The following FRAS1 variants were observed in gnomAD, a reference collection of about 807,000 sequenced individuals.
FRAS1 encodes the protein extracellular matrix organizing protein FRAS1.
In FRAS1, 290 loss-of-function variants were observed where a neutral mutation model predicts 435.2. The observed-to-expected ratio is 0.67, with a 90% confidence interval of 0.61 to 0.73. FRAS1 has a LOEUF of 0.73. FRAS1 is among the 30% of genes least tolerant of loss of function. The probability of loss-of-function intolerance (pLI) is 0.00; values close to 1 mark genes in which losing one functional copy is unlikely to be tolerated. For missense variants in FRAS1, 4,860 were observed against 5,001.5 expected, an observed-to-expected ratio of 0.97 and a Z score of 0.85; for synonymous variants, 1,800 against 1,851.0, an observed-to-expected ratio of 0.97 and a Z score of 0.71.
At chr4:78,448,673 TAAC>T (rs1560734402) in intron 44 of FRAS1, among the ~76,000 whole-genome samples, 3,420 of 28,578 alleles carry the variant, frequency 0.12, 142 homozygotes, top group African/African-American at 0.18. Context: ...TGGAAACAAA[TAAC>T]GAAATATAGC....
chr4:78,198,303 T>G (rs1339174047), intron 2 of FRAS1, among the ~76,000 whole-genome samples: 1 of 152,230 alleles, frequency 6.6e-6, no homozygotes, highest in Non-Finnish European at 1.5e-5. Flanking sequence ...GCATCCTTTT[T>G]TCCTTTTAGA....
At position 78,343,590 on chromosome 4, in the gene FRAS1, T is replaced by A. The variant is rs555775734; in HGVS notation, c.2422+5773T>A. ...CACATCATAAATAAACACTTTTGAG[T>A]CCTTTCCATGATTTTTCCCATTTAT... On this transcript the variant is annotated intron_variant, in intron 20 of 73. Coordinates refer to ENST00000512123, the MANE Select transcript of FRAS1 (RefSeq NM_025074.7). Among the ~76,000 whole-genome samples, 104 of 152,290 alleles carry A rather than the reference T, an allele frequency of 6.8e-4. 1 individual carries two copies. The Middle Eastern group carries it at 0.027, about 40-fold the overall frequency.
intron 67 of FRAS1, 67 bp downstream of exon 67, chr4:78,519,548 G>A: frequency 6.5e-7 from 1 of 1,534,662 alleles, no homozygotes; most frequent in Admixed American, 2.1e-5. Context: ...TAAAAGAAGA[G>A]TAGTGACTTT....
At chr4:78,182,226 G>A (rs140801991) in intron 2 of FRAS1, among the ~76,000 whole-genome samples, 1 of 152,224 alleles carries the variant, frequency 6.6e-6, no homozygotes, top group Non-Finnish European at 1.5e-5. Flanking sequence ...AGCTCAGGAT[G>A]CCATGAAAGT....
chr4:78,177,582 G>T (rs1721829671), intron 2 of FRAS1, among the ~76,000 whole-genome samples: 1 of 152,198 alleles, frequency 6.6e-6, no homozygotes, highest in African/African-American at 2.4e-5. Context: ...GGTGAGGTCA[G>T]TTGGGAGTCT....
At chr4:78,431,240 A>G (rs1022338736) in intron 37 of FRAS1, among the ~76,000 whole-genome samples, 1 of 152,216 alleles carries the variant, frequency 6.6e-6, no homozygotes, top group African/African-American at 2.4e-5. Context: ...GGGAGTCACA[A>G]AGGTAGACTC....
chr4:78,103,647 A>G (rs4631075), intron 2 of FRAS1, among the ~76,000 whole-genome samples: 9,487 of 152,218 alleles, frequency 0.062, 810 homozygotes, highest in African/African-American at 0.19. Context: ...AAGAGCCCTC[A>G]TGATTGGGGT....
intron 2 of FRAS1, chr4:78,181,475 C>T: frequency 1.2e-6 from 2 of 1,611,796 alleles, no homozygotes; most frequent in Non-Finnish European, 1.7e-6. Flanking sequence ...ATCAAATTCA[C>T]GTTTGCCACG....
Position 78,541,353 on chromosome 4 carries a change from A to G in FRAS1, c.*229A>G, listed in dbSNP as rs1201776881. 8.3e-6 allele frequency: 3 copies of G among 362,374 alleles called. No homozygotes were observed. Among genetic ancestry groups the G allele is most frequent in the Non-Finnish European group, 1.5e-5 (3 of 203,560 alleles). 22.4% of individuals were successfully genotyped at this position (362,374 alleles called of 1,614,324 possible). ...CGTAGATCCCTTTAATAGTGTCAAC[A>G]ACTGTACACAGCTCCTTCTGTAAGG... On this transcript the variant is annotated 3_prime_UTR_variant, in exon 74 of 74. Coordinates refer to ENST00000512123, the MANE Select transcript of FRAS1 (RefSeq NM_025074.7).
intron 18 of FRAS1, among the ~76,000 whole-genome samples, chr4:78,325,952 C>T (rs1016700924): frequency 1.8e-4 from 28 of 152,256 alleles, no homozygotes; most frequent in South Asian, 1.7e-3. Context: ...AGAAGTACAG[C>T]GTGTTTGGTA....
At chr4:78,111,919 A>G (rs957891278) in intron 2 of FRAS1, among the ~76,000 whole-genome samples, 2 of 152,130 alleles carry the variant, frequency 1.3e-5, no homozygotes, top group African/African-American at 2.4e-5. Flanking sequence ...CATATTACAC[A>G]CTTCTGATGA....
rs1443401108 is a variant in FRAS1, at chr4:78,265,070, T to C, written c.649T>C (p.Ser217Pro). 1.2e-6 allele frequency: 2 copies of C among 1,613,512 alleles called. No homozygotes were observed. Among genetic ancestry groups the C allele is most frequent in the Admixed American group, 1.7e-5 (1 of 60,014 alleles). ...CCCTGGAAAATGTTGCCCGCAGTGC[T>C]CTGCAAGATCCTGCTCTGCAGCTGG... ...RVPGKCCPQC[S>P]ARSCSAAGQV... The change falls in exon 7 of 74, where the codon TCT (serine) becomes CCT (proline). Residue 217 changes from serine to proline, a missense_variant. Transcript: ENST00000512123.
intron 53 of FRAS1, among the ~76,000 whole-genome samples, chr4:78,473,941 A>T (rs1262744561): frequency 2.0e-5 from 3 of 152,212 alleles, no homozygotes; most frequent in Non-Finnish European, 4.4e-5. Flanking sequence ...AAGCCCAGTG[A>T]TCTTAACGAT....
chr4:78,337,703 G>A lies in FRAS1; in HGVS notation c.2308G>A (p.Gly770Arg). 1 of 1,613,854 alleles carries A rather than the reference G, an allele frequency of 6.2e-7. No homozygotes were observed. Among genetic ancestry groups the A allele is most frequent in the Non-Finnish European group, 8.5e-7 (1 of 1,179,784 alleles). ...TCACCCAACCTGCAGGCAGTGTCAT[G>A]GGCCGTTGGAGTCTGACTGCATCTC... ...ECHPTCRQCH[G>R]PLESDCISCY... Residue 770 changes from glycine (G) to arginine (R), a missense_variant, in exon 20 of 74, where the codon GGG becomes AGG. Physicochemically the swap from Gly to Arg is moderately radical, Grantham distance 125. Transcript: ENST00000512123.
At chr4:78,166,394 G>A (rs1721331835) in intron 2 of FRAS1, among the ~76,000 whole-genome samples, 1 of 152,096 alleles carries the variant, frequency 6.6e-6, no homozygotes, top group South Asian at 2.1e-4. Context: ...CTTGAAGAAC[G>A]AGGTGTCAGT....
At chr4:78,293,958 C>T (rs981613882) in intron 14 of FRAS1, among the ~76,000 whole-genome samples, 3 of 152,216 alleles carry the variant, frequency 2.0e-5, no homozygotes, top group Admixed American at 1.3e-4. Context: ...CAGAGTTTAT[C>T]TTTCAGACAG....
chr4:78,301,081 A>AG (rs1321323882), intron 14 of FRAS1, among the ~76,000 whole-genome samples: 1 of 152,212 alleles, frequency 6.6e-6, no homozygotes, highest in Admixed American at 6.5e-5. Flanking sequence ...GAGGTTTGCA[A>AG]GGCAGATATC....
chr4:78,297,083 C>T (rs1035185097), intron 14 of FRAS1, among the ~76,000 whole-genome samples: 1 of 152,184 alleles, frequency 6.6e-6, no homozygotes, highest in African/African-American at 2.4e-5. Flanking sequence ...ACTACCTAGT[C>T]ATTTGTGAGA....
chr4:78,153,150 GAT>G (rs530381822), intron 2 of FRAS1, among the ~76,000 whole-genome samples: 59 of 152,188 alleles, frequency 3.9e-4, no homozygotes, highest in African/African-American at 1.4e-3. Context: ...ATCCCTAGAG[GAT>G]TTTGTCCATG....
Sources: gnomAD v4.1 joint callset for allele counts (sites outside exome capture counted in the v4.1 genomes callset) on GRCh38, gnomAD v4.1.1 for gene constraint, MANE v1.5 for transcripts, NCBI Gene and HGNC (gene_info 2026-07-23, HGNC 2026-07-21) for gene names.